TRAK1: variants seen among roughly 807,000 people sequenced by gnomAD.
TRAK1 encodes trafficking kinesin protein 1.
Under a neutral mutation model 92.1 loss-of-function variants are expected in TRAK1, and 33 were observed. The ratio of observed to expected loss-of-function variants is 0.36; its 90% confidence interval spans 0.27 to 0.48. TRAK1 has a LOEUF of 0.48. Among genes scored for constraint, TRAK1 ranks in the 20% least tolerant of loss-of-function variants. The pLI is 0.99. For synonymous variants in TRAK1, 521 were observed against 517.3 expected, an observed-to-expected ratio of 1.01 and a Z score of -0.10; for missense variants, 1,123 against 1,257.9, an observed-to-expected ratio of 0.89 and a Z score of 1.62.
chr3:42,116,900 A>G (rs1317479112), intron 1 of TRAK1, among the ~76,000 whole-genome samples: 1 of 152,136 alleles, frequency 6.6e-6, no homozygotes, highest in Non-Finnish European at 1.5e-5. Flanking sequence ...GTCACCTTTA[A>G]TGTGGTCTGT....
chr3:42,026,798 T>A (rs1257062414), intron 1 of TRAK1, among the ~76,000 whole-genome samples: 1 of 152,186 alleles, frequency 6.6e-6, no homozygotes, highest in African/African-American at 2.4e-5. Flanking sequence ...GTGCTGGGAT[T>A]ACAGGCGTGA....
At chr3:42,060,661 CTTG>C (rs1703395495) in intron 1 of TRAK1, among the ~76,000 whole-genome samples, 2 of 125,506 alleles carry the variant, frequency 1.6e-5, no homozygotes, top group African/African-American at 6.3e-5. Context: ...GAGTTTTGCT[CTTG>C]TTGTCCAGGC....
At chr3:42,068,456 A>G (rs1436013717) in intron 1 of TRAK1, among the ~76,000 whole-genome samples, 1 of 152,186 alleles carries the variant, frequency 6.6e-6, no homozygotes, top group Non-Finnish European at 1.5e-5. Flanking sequence ...ATGCCACTGC[A>G]TGTGGTCCAT....
At chr3:42,165,552 C>G (rs541839660) in intron 2 of TRAK1, among the ~76,000 whole-genome samples, 1 of 152,026 alleles carries the variant, frequency 6.6e-6, no homozygotes, top group Non-Finnish European at 1.5e-5. Flanking sequence ...CCAGGAGTGC[C>G]GTGTCTTGGA....
intron 14 of TRAK1, 127 bp from the exon 15 acceptor site, chr3:42,219,367 C>G: frequency 6.4e-7 from 1 of 1,571,710 alleles, no homozygotes; most frequent in South Asian, 1.2e-5. Context: ...GTTTCACCTT[C>G]CTCGCCCAGA....
intron 1 of TRAK1, among the ~76,000 whole-genome samples, chr3:42,065,034 G>A (rs568176098): frequency 2.0e-5 from 3 of 152,094 alleles, no homozygotes; most frequent in South Asian, 2.1e-4. Context: ...CTGAGGTCGC[G>A]CCACTGCACT....
intron 2 of TRAK1, among the ~76,000 whole-genome samples, chr3:42,154,428 CT>C (rs1700308267): frequency 6.6e-6 from 1 of 152,090 alleles, no homozygotes; most frequent in African/African-American, 2.4e-5. Context: ...TTGCCTTGGC[CT>C]CCCAAAGTGC....
At chr3:42,071,090 A>G (rs1359249088) in intron 1 of TRAK1, among the ~76,000 whole-genome samples, 1 of 152,172 alleles carries the variant, frequency 6.6e-6, no homozygotes, top group African/African-American at 2.4e-5. Context: ...AGGCCTGGCT[A>G]AGCACACAGT....
chr3:42,091,625 A>G, intron 1 of TRAK1, 65 bp downstream of exon 1: 1 of 1,469,086 alleles, frequency 6.8e-7, no homozygotes, highest in East Asian at 2.3e-5. Context: ...AAAGGAGAAA[A>G]GACCACAGGA....
intron 14 of TRAK1, chr3:42,217,536 T>C: frequency 1.0e-6 from 1 of 985,392 alleles, no homozygotes; most frequent in Non-Finnish European, 1.2e-6. Flanking sequence ...CAATTGAAGA[T>C]CCAATATGTA....
At chr3:42,165,525 T>TG (rs1320326535) in intron 2 of TRAK1, among the ~76,000 whole-genome samples, 1 of 151,992 alleles carries the variant, frequency 6.6e-6, no homozygotes, top group Non-Finnish European at 1.5e-5. Context: ...CTGGGCCCTG[T>TG]GGGGGAATAA....
intron 2 of TRAK1, among the ~76,000 whole-genome samples, chr3:42,147,943 C>CTTATATATCA (rs1699521822): frequency 1.3e-5 from 2 of 152,002 alleles, no homozygotes; most frequent in Admixed American, 1.3e-4. Flanking sequence ...CTAAGATTCT[C>CTTATATATCA]TATATAAGAT....
At chr3:42,028,032 G>T (rs916156677) in intron 1 of TRAK1, among the ~76,000 whole-genome samples, 1 of 152,106 alleles carries the variant, frequency 6.6e-6, no homozygotes, top group East Asian at 1.9e-4. Context: ...TGTATTTTTA[G>T]TAGAGACGGG....
At chr3:42,052,252 A>G (rs1024234426) in intron 1 of TRAK1, among the ~76,000 whole-genome samples, 1 of 152,234 alleles carries the variant, frequency 6.6e-6, no homozygotes, top group African/African-American at 2.4e-5. Context: ...ATAGTCCCCA[A>G]CCAGTACCGT....
At chr3:42,065,669 G>A (rs922614761) in intron 1 of TRAK1, among the ~76,000 whole-genome samples, 1 of 152,052 alleles carries the variant, frequency 6.6e-6, no homozygotes, top group Non-Finnish European at 1.5e-5. Context: ...TCATTTTGTT[G>A]TGCAGGCTGG....
At chr3:42,029,273 C>T (rs1227010792) in intron 1 of TRAK1, among the ~76,000 whole-genome samples, 1 of 152,208 alleles carries the variant, frequency 6.6e-6, no homozygotes, top group African/African-American at 2.4e-5. Flanking sequence ...GTGTCTTGCT[C>T]TGTCACCCAG....
At chr3:42,213,400 C>T (rs937735417) in intron 14 of TRAK1, among the ~76,000 whole-genome samples, 1 of 152,212 alleles carries the variant, frequency 6.6e-6, no homozygotes, top group African/African-American at 2.4e-5. Flanking sequence ...AAAAAACACA[C>T]TTGGCTAAAA....
rs892917645 is a variant in TRAK1, at chr3:42,064,337, C to T, written c.-518-22767C>T. On this transcript the variant is annotated intron_variant, in intron 1 of 16. Coordinates refer to the TRAK1 transcript ENST00000487159. ...AAATTAGCCAGTCTTATAACCCGGTCTCAAATGAATAAATAAATAGAGGGA... is the reference window on the plus strand; with the variant it reads ...AAATTAGCCAGTCTTATAACCCGGTTTCAAATGAATAAATAAATAGAGGGA... Among the ~76,000 whole-genome samples, 53 of 148,380 alleles carry T rather than the reference C, an allele frequency of 3.6e-4. 2 individuals are homozygous for T. Among genetic ancestry groups the T allele is most frequent in the East Asian group, 2.0e-4 (1 of 5,050 alleles).
intron 1 of TRAK1, among the ~76,000 whole-genome samples, chr3:42,019,664 A>G (rs558431874): frequency 6.6e-6 from 1 of 152,282 alleles, no homozygotes; most frequent in African/African-American, 2.4e-5. Context: ...TGCAAAATGT[A>G]GAACATATAT....
Sources: allele counts gnomAD v4.1 joint callset (sites outside exome capture counted in the v4.1 genomes callset), GRCh38; gene constraint gnomAD v4.1.1; transcripts MANE v1.5; gene names NCBI Gene and HGNC (gene_info 2026-07-23, HGNC 2026-07-21).